The following NEGR1 variants were observed in gnomAD, a reference collection of about 807,000 sequenced individuals.
The protein encoded by NEGR1 is neuronal growth regulator 1, also known as IgLON family member 4.
NEGR1 carries 10 observed loss-of-function variants against 40.9 expected under a neutral mutation model. The ratio of observed to expected loss-of-function variants is 0.24; its 90% CI spans 0.15 to 0.42. NEGR1 has a LOEUF of 0.42. Among genes scored for constraint, NEGR1 ranks in the 10% least tolerant of loss-of-function variants. The probability of loss-of-function intolerance (pLI) is 1.00; values close to 1 mark genes in which losing one functional copy is unlikely to be tolerated. For synonymous variants in NEGR1, 185 were observed against 166.8 expected, an observed-to-expected ratio of 1.11 and a Z score of -0.84; for missense variants, 352 against 438.9, an observed-to-expected ratio of 0.80 and a Z score of 1.77.
chr1:72,205,031 T>C (rs1370564902), intron 1 of NEGR1, among the ~76,000 whole-genome samples: 2 of 152,060 alleles, frequency 1.3e-5, no homozygotes, highest in African/African-American at 4.8e-5. Flanking sequence ...GAATCAAAAC[T>C]AAGTGCTTAG....
chr1:71,976,036 T>C (rs1373773938), intron 1 of NEGR1, among the ~76,000 whole-genome samples: 1 of 152,236 alleles, frequency 6.6e-6, no homozygotes. Flanking sequence ...GCGATAAACA[T>C]GATTTTTTAA....
At chr1:71,678,491 G>A (rs1252124263) in intron 4 of NEGR1, among the ~76,000 whole-genome samples, 3 of 151,990 alleles carry the variant, frequency 2.0e-5, no homozygotes, top group South Asian at 4.1e-4. Flanking sequence ...GACACTCCCC[G>A]AGTGATTGGC....
At chr1:71,460,959 A>G (rs1646710534) in intron 6 of NEGR1, among the ~76,000 whole-genome samples, 1 of 152,130 alleles carries the variant, frequency 6.6e-6, no homozygotes, top group Admixed American at 6.6e-5. Flanking sequence ...ATCCCACATC[A>G]TTGCCAAATA....
chr1:71,532,386 GA>G (rs1647382990), intron 6 of NEGR1, among the ~76,000 whole-genome samples: 1 of 151,526 alleles, frequency 6.6e-6, no homozygotes, highest in Non-Finnish European at 1.5e-5. Flanking sequence ...ATAGTTTCAA[GA>G]GACCAAAATC....
chr1:71,576,278 C>T (rs538882200), intron 6 of NEGR1, among the ~76,000 whole-genome samples: 9 of 152,092 alleles, frequency 5.9e-5, no homozygotes, highest in African/African-American at 2.2e-4. Context: ...TTGTTGTTCT[C>T]CTCTTCTCAG....
intron 2 of NEGR1, among the ~76,000 whole-genome samples, chr1:71,854,203 T>A (rs1220595208): frequency 3.9e-5 from 6 of 151,936 alleles, no homozygotes; most frequent in Admixed American, 3.9e-4. Context: ...ATATTTTTGG[T>A]ACCTTTTACA....
chr1:71,958,654 T>C (rs1184441226), intron 1 of NEGR1, among the ~76,000 whole-genome samples: 1 of 152,152 alleles, frequency 6.6e-6, no homozygotes, highest in African/African-American at 2.4e-5. Context: ...CTAATTCTTG[T>C]TTTAAGACCA....
Position 72,256,437 on chromosome 1 carries a change from T to A in NEGR1, c.176+25882A>T, listed in dbSNP as rs533305088. Among the ~76,000 whole-genome samples, 55 of 152,348 alleles carry A rather than the reference T, an allele frequency of 3.6e-4. No homozygotes were observed. In the South Asian group the frequency reaches 0.011, roughly 30 times the overall value. On this transcript the variant is annotated intron_variant, in intron 1 of 6. Transcript: ENST00000357731. ...AACTCTCAACAGAAGAAAACAAGAT[T>A]GTGCTTTTTGTTTATTTGTGTATCA...
At chr1:71,730,138 A>T (rs1654810472) in intron 3 of NEGR1, among the ~76,000 whole-genome samples, 2 of 150,042 alleles carry the variant, frequency 1.3e-5, no homozygotes. Flanking sequence ...TTACAAGAAG[A>T]TACAAACAAC....
chr1:71,896,017 C>T (rs1327671583), intron 2 of NEGR1, among the ~76,000 whole-genome samples: 1 of 147,446 alleles, frequency 6.8e-6, no homozygotes. Context: ...ACTTTTAAGT[C>T]TCGATGATAA....
rs149670664 is a variant in NEGR1, at chr1:71,650,544, C to T, written c.668-39398G>A. ...CTGCATTTGTCTTATTATAAACAAA[C>T]GCTGTGTTTTTATTGCTGTTCTCAA... On this transcript the variant is annotated intron_variant, in intron 4 of 6. Transcript: ENST00000357731. 5.5e-3 allele frequency among the ~76,000 whole-genome samples: 834 copies of T among 152,244 alleles called. 7 individuals are homozygous for T. Among genetic ancestry groups the T allele is most frequent in the Non-Finnish European group, 7.2e-3 (487 of 68,004 alleles).
Position 71,591,916 on chromosome 1 carries a change from G to T in NEGR1, c.940+901C>A, listed in dbSNP as rs7539886. 3.3e-3 allele frequency among the ~76,000 whole-genome samples: 508 copies of T among 152,032 alleles called. 1 individual carries two copies. The highest frequency in any genetic ancestry group is 0.011 in the African/African-American group (457 of 41,488). Reference sequence around the variant, plus strand: ...ATTTATGATGAACTATACAATATTTGCATTTTTCAGAGATAGCTTACTATA... The same window carrying T: ...ATTTATGATGAACTATACAATATTTTCATTTTTCAGAGATAGCTTACTATA... On this transcript the variant is annotated intron_variant, in intron 6 of 6. Coordinates refer to ENST00000357731, the MANE Select transcript of NEGR1 (RefSeq NM_173808.3).
intron 4 of NEGR1, among the ~76,000 whole-genome samples, chr1:71,626,725 A>T (rs936967800): frequency 4.6e-5 from 7 of 152,148 alleles, no homozygotes; most frequent in Admixed American, 3.9e-4. Context: ...ATGGGAGAAA[A>T]TTTTTGCAAT....
chr1:71,912,627 A>C (rs1209014849), intron 2 of NEGR1, among the ~76,000 whole-genome samples: 1 of 152,198 alleles, frequency 6.6e-6, no homozygotes, highest in Non-Finnish European at 1.5e-5. Context: ...TATAGTATTC[A>C]GAGTTTCAAA....
intron 3 of NEGR1, among the ~76,000 whole-genome samples, chr1:71,705,675 G>A (rs967593273): frequency 2.6e-5 from 4 of 151,664 alleles, no homozygotes; most frequent in African/African-American, 9.7e-5. Flanking sequence ...AGCTGAGATC[G>A]CGCCACTGCA....
At chr1:71,483,039 G>A (rs1258311442) in intron 6 of NEGR1, among the ~76,000 whole-genome samples, 2 of 151,768 alleles carry the variant, frequency 1.3e-5, no homozygotes, top group Non-Finnish European at 2.9e-5. Context: ...AGTCAGGATA[G>A]GGCACACCCA....
At chr1:72,211,491 C>A (rs141198135) in intron 1 of NEGR1, among the ~76,000 whole-genome samples, 1 of 151,494 alleles carries the variant, frequency 6.6e-6, no homozygotes, top group Non-Finnish European at 1.5e-5. Context: ...CCGTATCTAA[C>A]CAAATATATA....
At chr1:71,808,226 A>T (rs1022379425) in intron 2 of NEGR1, among the ~76,000 whole-genome samples, 1 of 152,178 alleles carries the variant, frequency 6.6e-6, no homozygotes, top group African/African-American at 2.4e-5. Context: ...ACTGAATCCA[A>T]TCAAAAGAAA....
chr1:71,651,485 A>C (rs1480627497), intron 4 of NEGR1, among the ~76,000 whole-genome samples: 1 of 152,164 alleles, frequency 6.6e-6, no homozygotes, highest in Non-Finnish European at 1.5e-5. Flanking sequence ...TGCTCATTGC[A>C]TGTGCCCATT....
Sources: allele counts gnomAD v4.1 joint callset (sites outside exome capture counted in the v4.1 genomes callset), GRCh38; gene constraint gnomAD v4.1.1; transcripts MANE v1.5; gene names NCBI Gene and HGNC (gene_info 2026-07-23, HGNC 2026-07-21).